The following TMEM131 variants were observed in gnomAD, a reference collection of about 807,000 sequenced individuals.
The protein encoded by TMEM131 is transmembrane protein 131.
Under a neutral mutation model 211.6 loss-of-function variants are expected in TMEM131, and 66 were observed. That is an observed-to-expected ratio of 0.31 (90% CI 0.26 to 0.38). The LOEUF (loss-of-function observed/expected upper bound fraction) is 0.38. Among genes scored for constraint, TMEM131 ranks in the 10% least tolerant of loss-of-function variants. The probability of loss-of-function intolerance (pLI) is 1.00; values close to 1 mark genes in which losing one functional copy is unlikely to be tolerated. For synonymous variants in TMEM131, 844 were observed against 841.3 expected (o/e 1.00, Z -0.06); for missense variants, 2,036 against 2,299.3 (o/e 0.89, Z 2.34).
At chr2:97,793,664 A>C in intron 29 of TMEM131, 111 bp from the exon 30 acceptor site, 1 of 1,138,918 alleles carries the variant, frequency 8.8e-7, no homozygotes, top group South Asian at 1.8e-5. Context: ...GATGTAATAG[A>C]AAACCAAGTT....
In TMEM131 at chr2:97,888,049, T is replaced by C; in HGVS notation, c.359+3A>G. ...AAGTACAGTCCAAAAATTTTAAACT[T>C]ACTGTTCATGGAAATCCAGCATTGG... is the stretch of plus-strand genomic sequence containing the variant. On this transcript the variant is annotated splice_donor_region_variant and intron_variant, in intron 4 of 40. Transcript: ENST00000186436. 2 of 1,612,714 alleles carry C rather than the reference T, an allele frequency of 1.2e-6. No homozygotes were observed. The highest frequency in any genetic ancestry group is 1.7e-6 in the Non-Finnish European group (2 of 1,178,980).
Position 97,796,847 on chromosome 2 carries a change from C to G in TMEM131, c.3010G>C (p.Asp1004His), listed in dbSNP as rs765748086. ...ITEALLKDCT[D>H]SLKLREPNFT... is the part of the protein sequence containing the mutation. ...TGAAACTGTTAGGAAGACTTACTATCTGTACAATCTTTTAACAATGCTTCC... is the reference window on the plus strand; with the variant it reads ...TGAAACTGTTAGGAAGACTTACTATGTGTACAATCTTTTAACAATGCTTCC... Residue 1004 changes from aspartate to histidine, a missense_variant, in exon 27 of 41, where the codon GAT (aspartate) becomes CAT (histidine). Transcript: ENST00000186436. The G allele has an allele frequency of 6.2e-7, 1 of 1,613,082 alleles. No individual in the cohort carries two copies. Among genetic ancestry groups the G allele is most frequent in the Non-Finnish European group, 8.5e-7 (1 of 1,179,550 alleles).
At chr2:97,825,311 A>G (rs1682326322) in intron 11 of TMEM131, among the ~76,000 whole-genome samples, 1 of 152,228 alleles carries the variant, frequency 6.6e-6, no homozygotes, top group African/African-American at 2.4e-5. Flanking sequence ...TCAAGGGTAC[A>G]AGGCATCTAG....
intron 36 of TMEM131, chr2:97,761,323 A>G (rs889084973): frequency 4.1e-5 from 7 of 172,568 alleles, no homozygotes; most frequent in Non-Finnish European, 2.5e-5. Flanking sequence ...GGCAAGGCCC[A>G]GAAGCGGGGT....
At chr2:97,958,243 A>G (rs1279548913) in intron 1 of TMEM131, among the ~76,000 whole-genome samples, 1 of 152,120 alleles carries the variant, frequency 6.6e-6, no homozygotes, top group Non-Finnish European at 1.5e-5. Flanking sequence ...GTTGTGTGCT[A>G]TTTTTCCCAT....
In TMEM131 at chr2:97,971,463, A is replaced by T. The variant is rs139865823; in HGVS notation, c.187+24013T>A. ...ATCTAAAATTACATTTGTGGCTATC[A>T]ATCAATTTCCCAAGCTTGAAAGTTT... On this transcript the variant is annotated intron_variant, in intron 1 of 40. Transcript: ENST00000186436. 6.6e-5 allele frequency among the ~76,000 whole-genome samples: 10 copies of T among 152,368 alleles called. No homozygotes were observed. The East Asian group carries it at 1.9e-3, about 29-fold the overall frequency.
intron 4 of TMEM131, among the ~76,000 whole-genome samples, chr2:97,862,368 C>T (rs901329562): frequency 6.6e-6 from 1 of 152,072 alleles, no homozygotes; most frequent in Non-Finnish European, 1.5e-5. Context: ...AACATGACTT[C>T]CTTAAATGAA....
intron 5 of TMEM131, among the ~76,000 whole-genome samples, chr2:97,850,001 A>G (rs1673544090): frequency 6.6e-6 from 1 of 152,048 alleles, no homozygotes; most frequent in East Asian, 1.9e-4. Flanking sequence ...CTACAGAATC[A>G]TATGACTGGT....
Position 97,814,356 on chromosome 2 carries a change from A to T in TMEM131, c.1325T>A (p.Phe442Tyr). Reference sequence around the variant, plus strand: ...ATCAGCAGGGCTGTCTCGGATGTGAAATAATGTTGCAGCATGATCAAATCC... The same window carrying T: ...ATCAGCAGGGCTGTCTCGGATGTGATATAATGTTGCAGCATGATCAAATCC... ...YLGFDHAATL[F>Y]HIRDSPADPV... is the part of the protein sequence containing the mutation. Residue 442 changes from phenylalanine to tyrosine, a missense_variant, in exon 14 of 41, where the codon TTT (phenylalanine) becomes TAT (tyrosine). Transcript: ENST00000186436. 1 of 1,613,148 alleles carries T rather than the reference A, an allele frequency of 6.2e-7. No individual in the cohort carries two copies. Among genetic ancestry groups the T allele is most frequent in the African/African-American group, 1.3e-5 (1 of 75,026 alleles).
chr2:97,757,948 T>C (rs1290927265), intron 40 of TMEM131, among the ~76,000 whole-genome samples: 1 of 152,168 alleles, frequency 6.6e-6, no homozygotes, highest in African/African-American at 2.4e-5. Context: ...CTGGCTAACA[T>C]GGTGAAACCC....
intron 19 of TMEM131, among the ~76,000 whole-genome samples, chr2:97,808,216 G>T (rs1681399078): frequency 6.6e-6 from 1 of 152,178 alleles, no homozygotes. Context: ...GTCAGGTGTA[G>T]AATTTTCCAC....
At chr2:97,868,614 T>A (rs1272328389) in intron 4 of TMEM131, among the ~76,000 whole-genome samples, 4 of 152,094 alleles carry the variant, frequency 2.6e-5, no homozygotes, top group Non-Finnish European at 4.4e-5. Context: ...TGGCCAAAAA[T>A]CATTCTGTGG....
intron 2 of TMEM131, among the ~76,000 whole-genome samples, chr2:97,912,850 G>A (rs1304167290): frequency 6.6e-6 from 1 of 152,042 alleles, no homozygotes; most frequent in African/African-American, 2.4e-5. Flanking sequence ...CTCCAAAAGG[G>A]GATATGCGGG....
chr2:97,889,466 T>C (rs144383652), intron 3 of TMEM131, among the ~76,000 whole-genome samples: 71 of 151,990 alleles, frequency 4.7e-4, no homozygotes, highest in Admixed American at 1.2e-3. Context: ...GTTTCATTAG[T>C]ATGAAACTCA....
chr2:97,989,963 G>A (rs910877573), intron 1 of TMEM131, among the ~76,000 whole-genome samples: 2 of 152,200 alleles, frequency 1.3e-5, no homozygotes, highest in Non-Finnish European at 2.9e-5. Flanking sequence ...GGAAGTCTGC[G>A]AGAGATTTCT....
At chr2:97,902,070 T>C (rs1675877210) in intron 3 of TMEM131, among the ~76,000 whole-genome samples, 1 of 151,960 alleles carries the variant, frequency 6.6e-6, no homozygotes, top group Admixed American at 6.6e-5. Context: ...CCCATCAATA[T>C]GTATTATGCA....
chr2:97,848,566 T>C (rs565119418), intron 5 of TMEM131, among the ~76,000 whole-genome samples: 7 of 152,342 alleles, frequency 4.6e-5, no homozygotes, highest in African/African-American at 1.4e-4. Flanking sequence ...TAGTTTATAC[T>C]GTATTATTTG....
chr2:97,796,270 TAAC>T lies in TMEM131; in HGVS notation c.3145_3147del (p.Val1049del), dbSNP rs1469934445. On this transcript the variant is annotated inframe_deletion, in exon 28 of 41. Transcript: ENST00000186436. ...GCACTTAGAGTAAACTCTTGACAAT[TAAC>T]AACTTTAAAGCCATATCCTTCACAT... 6.4e-7 allele frequency: 1 copy of T among 1,572,710 alleles called. No individual in the cohort carries two copies. Among genetic ancestry groups the T allele is most frequent in the African/African-American group, 1.4e-5 (1 of 73,998 alleles).
intron 19 of TMEM131, among the ~76,000 whole-genome samples, chr2:97,807,588 C>A (rs752534860): frequency 1.3e-5 from 2 of 152,208 alleles, no homozygotes; most frequent in Non-Finnish European, 2.9e-5. Flanking sequence ...ACCAAATACA[C>A]CTCTTTTTTA....
Sources: allele counts gnomAD v4.1 joint callset (sites outside exome capture counted in the v4.1 genomes callset), GRCh38; gene constraint gnomAD v4.1.1; transcripts MANE v1.5; gene names NCBI Gene and HGNC (gene_info 2026-07-23, HGNC 2026-07-21).